Variants in ANKUB1 observed in about 807,000 individuals in gnomAD.
ANKUB1 encodes the protein ankyrin repeat and ubiquitin domain containing 1.
A neutral mutation model predicts 49.3 loss-of-function variants in ANKUB1; 42 were observed. That is an observed-to-expected ratio of 0.85 (90% CI 0.67 to 1.10). The LOEUF is 1.10. Ranked by LOEUF, ANKUB1 falls within the 50% of genes least tolerant of loss-of-function variation. The pLI is 0.00. For missense variants in ANKUB1, 613 were observed against 642.0 expected (o/e 0.95, Z 0.49); for synonymous variants, 222 against 231.0 (o/e 0.96, Z 0.35).
chr3:149,787,600 C>T (rs1271899607), intron 2 of ANKUB1, among the ~76,000 whole-genome samples: 3 of 152,152 alleles, frequency 2.0e-5, no homozygotes, highest in Non-Finnish European at 4.4e-5. Context: ...GAACTTCCAA[C>T]ACTATGTTGA....
chr3:149,787,612 T>C (rs1718165814), intron 2 of ANKUB1, among the ~76,000 whole-genome samples: 1 of 152,174 alleles, frequency 6.6e-6, no homozygotes, highest in Admixed American at 6.5e-5. Context: ...CTATGTTGAA[T>C]AGGAGTGGTG....
intron 3 of ANKUB1, among the ~76,000 whole-genome samples, chr3:149,775,601 T>G (rs1288501878): frequency 6.6e-6 from 1 of 152,094 alleles, no homozygotes; most frequent in East Asian, 1.9e-4. Context: ...GTTTCTCAGG[T>G]GCAATGTGCC....
At chr3:149,770,535 T>G (rs1296236993) in intron 4 of ANKUB1, 25 bp downstream of exon 4, 2 of 1,485,240 alleles carry the variant, frequency 1.3e-6, no homozygotes, top group Non-Finnish European at 1.8e-6. Context: ...ACTTGCTAAG[T>G]TAATTTAAAA....
intron 2 of ANKUB1, chr3:149,783,710 A>G (rs1717965384): frequency 1.3e-5 from 2 of 152,230 alleles, no homozygotes; most frequent in East Asian, 3.9e-4. Context: ...GAACTATTCC[A>G]GAGTGAACAA....
chr3:149,779,327 ATTGTTT>A (rs1717745314), intron 3 of ANKUB1: 1 of 151,782 alleles, frequency 6.6e-6, no homozygotes, highest in Non-Finnish European at 1.5e-5. Flanking sequence ...ACATCCTGCT[ATTGTTT>A]TTGTTTTTTG....
chr3:149,761,354 T>C lies in ANKUB1; in HGVS notation c.*130A>G. The stretch of plus-strand genomic sequence containing the variant: ...AGAAAACATGGTGTTAAATATCCTA[T>C]TAAAAGTTATGTGGCATTATAACTG... On this transcript the variant is annotated 3_prime_UTR_variant, in exon 6 of 6. Coordinates refer to ENST00000446160, the MANE Select transcript of ANKUB1 (RefSeq NM_001144960.3). 1 of 1,102,754 alleles carries C rather than the reference T, an allele frequency of 9.1e-7. No homozygotes were observed. The highest frequency in any genetic ancestry group is 1.3e-6 in the Non-Finnish European group (1 of 794,674). The allele number at this position is 1,102,754 out of a possible 1,614,324, so 68.3% of individuals were successfully genotyped here. A position where few individuals can be genotyped will look rare whatever the true frequency, so the allele number is the denominator to read the frequency against.
chr3:149,788,569 C>T (rs1237897794), intron 2 of ANKUB1, among the ~76,000 whole-genome samples: 2 of 151,978 alleles, frequency 1.3e-5, no homozygotes, highest in African/African-American at 4.8e-5. Flanking sequence ...CACTGAATAA[C>T]CTCTTTTACC....
intron 2 of ANKUB1, among the ~76,000 whole-genome samples, chr3:149,790,448 A>T (rs944832432): frequency 2.6e-5 from 4 of 152,046 alleles, no homozygotes; most frequent in Non-Finnish European, 4.4e-5. Flanking sequence ...CACCAAAGTG[A>T]TCTAATGCTC....
chr3:149,766,180 C>T (rs115844597), intron 5 of ANKUB1, among the ~76,000 whole-genome samples: 1 of 152,302 alleles, frequency 6.6e-6, no homozygotes, highest in East Asian at 1.9e-4. Context: ...TTCCGATACA[C>T]TTTCTTATCT....
chr3:149,792,134 C>A, intron 1 of ANKUB1, 143 bp downstream of exon 1: 1 of 475,990 alleles, frequency 2.1e-6, no homozygotes, highest in South Asian at 8.1e-5. Context: ...ATTGTGTAAG[C>A]AAATAATAGT....
intron 3 of ANKUB1, among the ~76,000 whole-genome samples, chr3:149,773,523 C>A (rs1278189891): frequency 6.6e-6 from 1 of 152,150 alleles, no homozygotes; most frequent in Non-Finnish European, 1.5e-5. Context: ...TGTAGAAATA[C>A]CTTGATAAAC....
chr3:149,785,788 G>T (rs1275432394), intron 2 of ANKUB1, among the ~76,000 whole-genome samples: 2 of 151,850 alleles, frequency 1.3e-5, no homozygotes, highest in African/African-American at 4.9e-5. Flanking sequence ...TAAAGAGATG[G>T]CTGGGTCAAA....
chr3:149,772,770 G>GT (rs1717422603), intron 3 of ANKUB1, among the ~76,000 whole-genome samples: 1 of 152,182 alleles, frequency 6.6e-6, no homozygotes, highest in Admixed American at 6.5e-5. Context: ...GTAAGTATTT[G>GT]TTGAATGAAG....
At chr3:149,785,491 A>G (rs1343039022) in intron 2 of ANKUB1, among the ~76,000 whole-genome samples, 2 of 150,678 alleles carry the variant, frequency 1.3e-5, no homozygotes, top group South Asian at 2.1e-4. Context: ...GTTCCTACCT[A>G]TGAGTGAGAA....
intron 2 of ANKUB1, among the ~76,000 whole-genome samples, chr3:149,786,182 C>T (rs1718090513): frequency 6.6e-6 from 1 of 152,150 alleles, no homozygotes; most frequent in South Asian, 2.1e-4. Flanking sequence ...ACTACAGGCA[C>T]CCGCCAACGC....
intron 4 of ANKUB1, among the ~76,000 whole-genome samples, chr3:149,768,326 A>T (rs920300540): frequency 2.0e-5 from 3 of 152,258 alleles, no homozygotes; most frequent in African/African-American, 7.2e-5. Context: ...TGAAGTGGTC[A>T]TCTTTCTTAT....
At chr3:149,776,536 A>C (rs1323847827) in intron 3 of ANKUB1, among the ~76,000 whole-genome samples, 1 of 152,232 alleles carries the variant, frequency 6.6e-6, no homozygotes, top group Admixed American at 6.5e-5. Flanking sequence ...TGACCAGCTG[A>C]GTAACTTTTT....
In ANKUB1 at chr3:149,767,871, A is replaced by G; in HGVS notation, c.791T>C (p.Val264Ala). ...TGCATTTTTGCATTCCAGGCACAGC[A>G]CACTGTAGTTGACAAAGGCCTTCAG... ...LILKAFVNYS[V>A]LCLECKNAAG... Residue 264 changes from valine (V) to alanine (A), a missense_variant, in exon 5 of 6, where the codon GTG becomes GCG. Val to Ala is a moderately conservative substitution (Grantham distance 64). Coordinates refer to ENST00000446160, the MANE Select transcript of ANKUB1 (RefSeq NM_001144960.3). 1.3e-6 allele frequency: 2 copies of G among 1,551,734 alleles called. No individual in the cohort carries two copies. The highest frequency in any genetic ancestry group is 1.7e-4 in the Middle Eastern group (1 of 5,992).
At chr3:149,780,144 T>A (rs1425899194) in intron 3 of ANKUB1, 95 bp downstream of exon 3, 1 of 968,480 alleles carries the variant, frequency 1.0e-6, no homozygotes, top group Non-Finnish European at 1.6e-6. Flanking sequence ...TATATGAAAA[T>A]CTAGATTTCT....
Sources: allele counts gnomAD v4.1 joint callset (sites outside exome capture counted in the v4.1 genomes callset), GRCh38; gene constraint gnomAD v4.1.1; transcripts MANE v1.5; gene names NCBI Gene and HGNC (gene_info 2026-07-23, HGNC 2026-07-21).